LUZP2: variants seen among roughly 807,000 people sequenced by gnomAD.
The protein encoded by LUZP2 is leucine zipper protein 2.
LUZP2 carries 52 observed loss-of-function variants against 51.6 expected under a neutral mutation model. The ratio of observed to expected loss-of-function variants is 1.01; its 90% CI spans 0.81 to 1.27. The LOEUF is 1.27. Among genes scored for constraint, LUZP2 ranks in the 50% most tolerant of loss-of-function variants. The probability of loss-of-function intolerance (pLI) is 0.00; values close to 1 mark genes in which losing one functional copy is unlikely to be tolerated. For missense variants in LUZP2, 436 were observed against 395.4 expected (o/e 1.10, Z -0.87); for synonymous variants, 154 against 137.3 (o/e 1.12, Z -0.85).
intron 1 of LUZP2, among the ~76,000 whole-genome samples, chr11:24,558,237 A>T (rs1049677509): frequency 6.6e-6 from 1 of 152,046 alleles, no homozygotes; most frequent in Non-Finnish European, 1.5e-5. Context: ...AACACTGTCA[A>T]CTTGCTTGGT....
rs141863861 is a variant in LUZP2, at chr11:24,960,668, T to A, written c.523-15923T>A. On this transcript the variant is annotated intron_variant, in intron 7 of 11. Coordinates refer to ENST00000336930, the MANE Select transcript of LUZP2 (RefSeq NM_001009909.4). ...CTTTATTAGTCTTGCTAGCGGTCTA[T>A]CAATTTTCTTGAGCCTTTCAAAAAA... Among the ~76,000 whole-genome samples the A allele has an allele frequency of 5.2e-4, 79 of 152,286 alleles. 1 individual carries two copies. In the East Asian group the frequency reaches 0.015, roughly 29 times the overall value.
chr11:24,502,447 C>T (rs141760280), intron 1 of LUZP2, among the ~76,000 whole-genome samples: 101 of 152,132 alleles, frequency 6.6e-4, no homozygotes, highest in African/African-American at 2.4e-3. Flanking sequence ...TGTAGTGGTG[C>T]CATCTCGGCT....
chr11:24,594,623 A>C (rs1212019823), intron 1 of LUZP2, among the ~76,000 whole-genome samples: 1 of 152,164 alleles, frequency 6.6e-6, no homozygotes, highest in Non-Finnish European at 1.5e-5. Flanking sequence ...TATAAACAAA[A>C]TATTTAGTTG....
intron 5 of LUZP2, among the ~76,000 whole-genome samples, chr11:24,866,545 A>G (rs1851902484): frequency 6.6e-6 from 1 of 151,938 alleles, no homozygotes; most frequent in Non-Finnish European, 1.5e-5. Flanking sequence ...TTTGTAAAAT[A>G]GCAATCCCAT....
chr11:24,518,892 G>T (rs186857611), intron 1 of LUZP2, among the ~76,000 whole-genome samples: 1 of 152,196 alleles, frequency 6.6e-6, no homozygotes, highest in East Asian at 1.9e-4. Context: ...GCAAATGAAG[G>T]ATTCAAACTT....
At chr11:25,040,028 C>G (rs1342546210) in intron 9 of LUZP2, among the ~76,000 whole-genome samples, 2 of 152,112 alleles carry the variant, frequency 1.3e-5, no homozygotes, top group African/African-American at 4.8e-5. Context: ...CTCACACCCC[C>G]TCTATATGAC....
intron 7 of LUZP2, among the ~76,000 whole-genome samples, chr11:24,961,187 T>C (rs1855388202): frequency 6.6e-6 from 1 of 152,200 alleles, no homozygotes; most frequent in Non-Finnish European, 1.5e-5. Context: ...AATGTTGGAA[T>C]AGGTGTGGTG....
chr11:24,817,133 A>T (rs1270705012), intron 5 of LUZP2, among the ~76,000 whole-genome samples: 1 of 152,004 alleles, frequency 6.6e-6, no homozygotes, highest in Non-Finnish European at 1.5e-5. Context: ...TCCTCTGAGG[A>T]TCATTTTCAT....
intron 7 of LUZP2, among the ~76,000 whole-genome samples, chr11:24,973,833 G>A (rs77041245): frequency 0.06 from 9,148 of 152,040 alleles, 696 homozygotes; most frequent in African/African-American, 0.18. Context: ...TGCATTTACC[G>A]AGGAGTGTTT....
At position 24,891,340 on chromosome 11, in the gene LUZP2, A is replaced by G. The variant is rs187310696; in HGVS notation, c.397-14651A>G. On this transcript the variant is annotated intron_variant, in intron 5 of 11. Transcript: ENST00000336930. ...ATATCACAAACATATGGAGATATATACATACTGACATGTACATATACACAT... is the reference window on the plus strand; with the variant it reads ...ATATCACAAACATATGGAGATATATGCATACTGACATGTACATATACACAT... 2.5e-4 allele frequency: 232 copies of G among 916,996 alleles called. No individual in the cohort carries two copies. The African/African-American group carries it at 3.7e-3, about 15-fold the overall frequency. 56.8% of individuals were successfully genotyped at this position (916,996 alleles called of 1,614,324 possible). A position where few individuals can be genotyped will look rare whatever the true frequency, so the allele number is the denominator to read the frequency against.
At chr11:24,532,455 A>C (rs1342057814) in intron 1 of LUZP2, among the ~76,000 whole-genome samples, 2 of 151,020 alleles carry the variant, frequency 1.3e-5, no homozygotes, top group Non-Finnish European at 1.5e-5. Flanking sequence ...TATTGAAGAA[A>C]TAAATAACTG....
At chr11:24,602,048 ATG>A (rs1853685990) in intron 1 of LUZP2, among the ~76,000 whole-genome samples, 5 of 143,448 alleles carry the variant, frequency 3.5e-5, no homozygotes, top group South Asian at 2.1e-4. Context: ...ATCTGTATAT[ATG>A]TGTATATATG....
At chr11:24,799,094 C>A (rs1430274266) in intron 5 of LUZP2, among the ~76,000 whole-genome samples, 1 of 152,166 alleles carries the variant, frequency 6.6e-6, no homozygotes, top group African/African-American at 2.4e-5. Flanking sequence ...TCTCTTTCTG[C>A]TCCTCCATCA....
intron 1 of LUZP2, 68 bp from the exon 2 acceptor site, chr11:24,729,101 T>C (rs1388042058): frequency 1.1e-5 from 7 of 642,446 alleles, no homozygotes; most frequent in Non-Finnish European, 1.7e-5. Flanking sequence ...ACTGTGAGTG[T>C]TAGTGATTAT....
chr11:25,063,222 T>A lies in LUZP2; in HGVS notation c.858+13092T>A, dbSNP rs955804300. 4.0e-5 allele frequency among the ~76,000 whole-genome samples: 6 copies of A among 151,860 alleles called. No individual in the cohort carries two copies. The East Asian group carries it at 1.2e-3, about 29-fold the overall frequency. ...GGTGCCATAATTAATCTAGAGATGA[T>A]TTAAAGTATATGGGAGAGCATGTGT... On this transcript the variant is annotated intron_variant, in intron 10 of 11. Transcript: ENST00000336930.
chr11:24,833,424 C>G (rs929670511), intron 5 of LUZP2, among the ~76,000 whole-genome samples: 1 of 152,018 alleles, frequency 6.6e-6, no homozygotes, highest in Non-Finnish European at 1.5e-5. Flanking sequence ...GAAAAATATT[C>G]GTGCATTTTC....
chr11:25,050,547 G>T (rs1257586189), intron 10 of LUZP2, among the ~76,000 whole-genome samples: 3 of 151,838 alleles, frequency 2.0e-5, no homozygotes, highest in African/African-American at 4.8e-5. Context: ...CTCGTGATCC[G>T]CCCACCTCGG....
chr11:25,016,112 G>C (rs1857146980), intron 9 of LUZP2, among the ~76,000 whole-genome samples: 1 of 151,718 alleles, frequency 6.6e-6, no homozygotes, highest in African/African-American at 2.4e-5. Context: ...AGTAGAGACG[G>C]GGTTTCATGG....
chr11:25,030,644 C>A (rs1248067887), intron 9 of LUZP2, among the ~76,000 whole-genome samples: 1 of 151,302 alleles, frequency 6.6e-6, no homozygotes. Context: ...CTCACTGGGT[C>A]TTAAGTTGCA....
Sources: gnomAD v4.1 joint callset for allele counts (sites outside exome capture counted in the v4.1 genomes callset) on GRCh38, gnomAD v4.1.1 for gene constraint, MANE v1.5 for transcripts, NCBI Gene and HGNC (gene_info 2026-07-23, HGNC 2026-07-21) for gene names.